The following RPH3AL variants were observed in gnomAD, a reference collection of about 807,000 sequenced individuals.
The protein encoded by RPH3AL is rab effector Noc2.
RPH3AL carries 38 observed loss-of-function variants against 43.1 expected under a neutral mutation model. That is an observed-to-expected ratio of 0.88 (90% CI 0.68 to 1.15). The LOEUF (loss-of-function observed/expected upper bound fraction) is 1.15, where lower values mean the gene tolerates loss of function less well. Among genes scored for constraint, RPH3AL ranks in the 50% most tolerant of loss-of-function variants. The pLI, the probability that RPH3AL is intolerant of heterozygous loss-of-function variation, is 0.00. For missense variants in RPH3AL, 462 were observed against 423.2 expected, an observed-to-expected ratio of 1.09 and a Z score of -0.81; for synonymous variants, 189 against 176.3, an observed-to-expected ratio of 1.07 and a Z score of -0.57.
intron 6 of RPH3AL, among the ~76,000 whole-genome samples, chr17:278,882 G>A (rs149383152): frequency 3.9e-5 from 6 of 152,264 alleles, no homozygotes; most frequent in South Asian, 2.1e-4. Context: ...AACACAGGCA[G>A]CAACACCACC....
intron 7 of RPH3AL, among the ~76,000 whole-genome samples, chr17:238,561 A>C (rs2041457537): frequency 6.6e-6 from 1 of 152,224 alleles, no homozygotes; most frequent in Non-Finnish European, 1.5e-5. Flanking sequence ...CTGGAACTGC[A>C]GCACCCATCT....
intron 8 of RPH3AL, among the ~76,000 whole-genome samples, chr17:216,248 A>C (rs1045677352): frequency 9.9e-5 from 15 of 151,398 alleles, no homozygotes; most frequent in African/African-American, 3.2e-4. Context: ...GACCTCACCC[A>C]CATGGCTGCA....
At chr17:321,659 G>A (rs529832706) in intron 3 of RPH3AL, 52 of 461,496 alleles carry the variant, frequency 1.1e-4, no homozygotes, top group African/African-American at 1.0e-3. Flanking sequence ...TGGGATTGCG[G>A]GCAACAGAGA....
chr17:278,017 C>CCAA (rs2042694570), intron 6 of RPH3AL, among the ~76,000 whole-genome samples: 1 of 152,046 alleles, frequency 6.6e-6, no homozygotes, highest in African/African-American at 2.4e-5. Flanking sequence ...TCTCTAAGCA[C>CCAA]CAACATGGTC....
intron 5 of RPH3AL, among the ~76,000 whole-genome samples, chr17:299,268 G>A (rs1391880164): frequency 6.8e-6 from 1 of 147,810 alleles, no homozygotes; most frequent in African/African-American, 2.5e-5. Context: ...GCTGCTGTCT[G>A]AGCCTGTATG....
In RPH3AL at chr17:345,815, G is replaced by A. The variant is rs1044613636; in HGVS notation, c.-213+6897C>T. ...GCATGCACACCCTGCTGAGGCAAGC[G>A]TGCTCCCCAACTGCCCCATCTGCCC... On this transcript the variant is annotated intron_variant, in intron 1 of 9. Coordinates refer to ENST00000331302, the MANE Select transcript of RPH3AL (RefSeq NM_006987.4). Among the ~76,000 whole-genome samples the A allele has an allele frequency of 5.3e-5, 7 of 131,936 alleles. 1 individual carries two copies. The highest frequency in any genetic ancestry group is 1.0e-4 in the Non-Finnish European group (6 of 57,960). 86.6% of individuals were successfully genotyped at this position (131,936 alleles called of 152,430 possible).
rs992859299 is a variant in RPH3AL at position 215,585 on chromosome 17, G to A, written c.876+69C>T. On this transcript the variant is annotated intron_variant, in intron 9 of 9. Transcript: ENST00000331302. The surrounding 1 kb of genome is among the most constrained non-coding windows in gnomAD (Gnocchi z 4.1). ...CGTCACCGACCAGTCTCCAGTTTGG[G>A]AGGAGTGAGTGAGAGAGGACACGGC... 1 of 1,213,788 alleles carries A rather than the reference G, an allele frequency of 8.2e-7. No homozygotes were observed. The highest frequency in any genetic ancestry group is 1.0e-6 in the Non-Finnish European group (1 of 961,140). 75.2% of individuals were successfully genotyped at this position (1,213,788 alleles called of 1,614,324 possible).
intron 6 of RPH3AL, among the ~76,000 whole-genome samples, chr17:262,158 TA>T (rs1478770224): frequency 1.3e-5 from 2 of 152,158 alleles, no homozygotes; most frequent in African/African-American, 2.4e-5. Flanking sequence ...TGGGGTGGTC[TA>T]GGGGTCAAGG....
In RPH3AL at chr17:274,347, C is replaced by G. The variant is rs2042605178; in HGVS notation, c.438+7421G>C. Among the ~76,000 whole-genome samples, 1 of 152,234 alleles carries G rather than the reference C, an allele frequency of 6.6e-6. No homozygotes were observed. ...CCTCGCCTGCCCACCTGGGCCTCGCCTGCCTGGCTGGAGTAGGGGCAGCAG... is the reference window on the plus strand; with the variant it reads ...CCTCGCCTGCCCACCTGGGCCTCGCGTGCCTGGCTGGAGTAGGGGCAGCAG... On this transcript the variant is annotated intron_variant, in intron 6 of 9. Transcript: ENST00000331302. The surrounding 1 kb of genome is among the most constrained non-coding windows in gnomAD (Gnocchi z 4.7).
rs2044826823 is a variant in RPH3AL at position 332,934 on chromosome 17, G to C, written c.-37+825C>G. 1.2e-5 allele frequency: 13 copies of C among 1,057,662 alleles called. No individual in the cohort carries two copies. The South Asian group carries it at 1.9e-4, about 15-fold the overall frequency. 65.5% of individuals were successfully genotyped at this position (1,057,662 alleles called of 1,614,324 possible). A position where few individuals can be genotyped will look rare whatever the true frequency, so the allele number is the denominator to read the frequency against. On this transcript the variant is annotated intron_variant, in intron 2 of 9. Transcript: ENST00000331302. ...GTACAGGGACTAGGAGGACCCGAGGGGTACAGGGAACGGAACAGGAGTTGC... is the reference window on the plus strand; with the variant it reads ...GTACAGGGACTAGGAGGACCCGAGGCGTACAGGGAACGGAACAGGAGTTGC...
intron 1 of RPH3AL, 120 bp downstream of exon 1, chr17:352,591 AC>A (rs1321061518): frequency 6.6e-6 from 1 of 152,070 alleles, no homozygotes; most frequent in Admixed American, 6.6e-5. Flanking sequence ...AAAGACACAA[AC>A]CTTTTCCCCG....
intron 6 of RPH3AL, among the ~76,000 whole-genome samples, chr17:269,496 A>G (rs984491451): frequency 1.3e-5 from 2 of 152,192 alleles, no homozygotes; most frequent in Non-Finnish European, 1.5e-5. Context: ...CTCAGTGAAC[A>G]TTAGAGGAAT....
At chr17:297,884 G>A (rs2043221180) in intron 5 of RPH3AL, among the ~76,000 whole-genome samples, 2 of 152,168 alleles carry the variant, frequency 1.3e-5, no homozygotes, top group South Asian at 2.1e-4. Flanking sequence ...ACTAGCCAGC[G>A]GACAGGGAGG....
At chr17:216,561 G>A (rs2040808311) in intron 8 of RPH3AL, among the ~76,000 whole-genome samples, 1 of 152,088 alleles carries the variant, frequency 6.6e-6, no homozygotes, top group African/African-American at 2.4e-5. Context: ...GGTCAGAGCT[G>A]AGGGTGGGTG....
At chr17:331,289 A>AGGGAGCC in intron 2 of RPH3AL, 2 of 247,704 alleles carry the variant, frequency 8.1e-6, no homozygotes. Flanking sequence ...AGGGAGACGG[A>AGGGAGCC]AAGAGCCAAA....
At chr17:347,954 C>T (rs1470077065) in intron 1 of RPH3AL, among the ~76,000 whole-genome samples, 2 of 151,230 alleles carry the variant, frequency 1.3e-5, no homozygotes, top group African/African-American at 4.9e-5. Flanking sequence ...TTACTTGAGG[C>T]TAGGAGTTCA....
rs745701830 is a variant in RPH3AL, at chr17:247,295, G to A, written c.439-10C>T. 2.6e-6 allele frequency: 4 copies of A among 1,558,094 alleles called. No individual in the cohort carries two copies. In the African/African-American group the frequency reaches 4.1e-5, roughly 16 times the overall value. On this transcript the variant is annotated splice_polypyrimidine_tract_variant and intron_variant, in intron 6 of 9. Coordinates refer to ENST00000331302, the MANE Select transcript of RPH3AL (RefSeq NM_006987.4). The stretch of plus-strand genomic sequence containing the variant: ...CCGACCTCTTCCAGACCTGAGTGGG[G>A]GAAGAGAGCTGCTTGGGGCACAGGA...
intron 5 of RPH3AL, among the ~76,000 whole-genome samples, chr17:316,517 C>G (rs1307816214): frequency 6.6e-6 from 1 of 151,242 alleles, no homozygotes; most frequent in African/African-American, 2.4e-5. Flanking sequence ...GCTCCACCTC[C>G]AGTGACCTGT....
intron 7 of RPH3AL, among the ~76,000 whole-genome samples, chr17:228,572 C>T (rs988403272): frequency 6.6e-6 from 1 of 152,164 alleles, no homozygotes; most frequent in African/African-American, 2.4e-5. Context: ...CGCAGGTGGA[C>T]TCACCCCTTT....
Sources: gnomAD v4.1 joint callset for allele counts (sites outside exome capture counted in the v4.1 genomes callset) on GRCh38, gnomAD v4.1.1 for gene constraint, Gnocchi (gnomAD v3.1) non-coding constraint, MANE v1.5 for transcripts, NCBI Gene and HGNC (gene_info 2026-07-23, HGNC 2026-07-21) for gene names.